Variants in SLC2A13 observed in about 807,000 individuals in gnomAD.
The protein encoded by SLC2A13 is proton myo-inositol cotransporter.
Under a neutral mutation model 64.4 loss-of-function variants are expected in SLC2A13, and 32 were observed. The ratio of observed to expected loss-of-function variants is 0.50; its 90% CI spans 0.37 to 0.67. SLC2A13 has a LOEUF of 0.67. Ranked by LOEUF, SLC2A13 falls within the 30% of genes least tolerant of loss-of-function variation. The probability of loss-of-function intolerance (pLI) is 0.00; values close to 1 mark genes in which losing one functional copy is unlikely to be tolerated. For missense variants in SLC2A13, 743 were observed against 829.2 expected (o/e 0.90, Z 1.28); for synonymous variants, 338 against 327.1 (o/e 1.03, Z -0.36).
intron 1 of SLC2A13, among the ~76,000 whole-genome samples, chr12:40,098,138 T>TAC (rs1292271786): frequency 6.6e-6 from 1 of 152,134 alleles, no homozygotes; most frequent in South Asian, 2.1e-4. Flanking sequence ...TGTGTATATA[T>TAC]ATACACACAC....
At chr12:40,031,280 T>C (rs1274363286) in intron 2 of SLC2A13, among the ~76,000 whole-genome samples, 1 of 152,142 alleles carries the variant, frequency 6.6e-6, no homozygotes, top group East Asian at 1.9e-4. Context: ...CGGAGTGTAG[T>C]GGCGCGATCT....
At chr12:39,847,288 T>C (rs1235475165) in intron 6 of SLC2A13, among the ~76,000 whole-genome samples, 2 of 86,144 alleles carry the variant, frequency 2.3e-5, no homozygotes, top group Admixed American at 1.6e-4. Context: ...TATCCCTACA[T>C]TCATTCTTCC....
At chr12:39,955,720 T>C (rs1285986549) in intron 3 of SLC2A13, among the ~76,000 whole-genome samples, 1 of 151,814 alleles carries the variant, frequency 6.6e-6, no homozygotes, top group Non-Finnish European at 1.5e-5. Flanking sequence ...CTAAATGCAA[T>C]CACATGTATC....
intron 1 of SLC2A13, among the ~76,000 whole-genome samples, chr12:40,081,203 T>C (rs1469834576): frequency 6.6e-6 from 1 of 152,190 alleles, no homozygotes; most frequent in Non-Finnish European, 1.5e-5. Flanking sequence ...TCTTGTAGTA[T>C]ATTGCTGAGG....
At chr12:39,970,159 A>C (rs1946617077) in intron 3 of SLC2A13, among the ~76,000 whole-genome samples, 1 of 152,164 alleles carries the variant, frequency 6.6e-6, no homozygotes, top group African/African-American at 2.4e-5. Context: ...GTTGATCTAT[A>C]TCTCTGTTTT....
chr12:39,985,465 G>A (rs1947014501), intron 3 of SLC2A13, among the ~76,000 whole-genome samples: 2 of 152,100 alleles, frequency 1.3e-5, no homozygotes, highest in South Asian at 4.1e-4. Context: ...TTTATTCACA[G>A]TGTGTCTCTA....
intron 6 of SLC2A13, among the ~76,000 whole-genome samples, chr12:39,845,377 T>C (rs1014700308): frequency 2.6e-5 from 4 of 152,116 alleles, no homozygotes; most frequent in African/African-American, 7.2e-5. Flanking sequence ...CTGTTTTACA[T>C]TTTTTGTCAA....
At chr12:40,019,174 G>C (rs1433204364) in intron 3 of SLC2A13, among the ~76,000 whole-genome samples, 1 of 152,138 alleles carries the variant, frequency 6.6e-6, no homozygotes, top group South Asian at 2.1e-4. Context: ...ACCGAGAAGA[G>C]AAGAGAGATT....
chr12:39,888,700 A>G (rs77772365), intron 4 of SLC2A13, among the ~76,000 whole-genome samples: 5,205 of 152,304 alleles, frequency 0.034, 115 homozygotes, highest in Non-Finnish European at 0.051. Context: ...TGATGTTTAC[A>G]ATGGCATAAC....
intron 7 of SLC2A13, among the ~76,000 whole-genome samples, chr12:39,786,321 C>T (rs1325079433): frequency 1.3e-5 from 2 of 151,732 alleles, no homozygotes; most frequent in Admixed American, 1.3e-4. Flanking sequence ...TCTTTGCTTC[C>T]TCCTCATTTT....
chr12:39,797,697 A>G (rs1477786427), intron 7 of SLC2A13, among the ~76,000 whole-genome samples: 1 of 151,600 alleles, frequency 6.6e-6, no homozygotes, highest in African/African-American at 2.4e-5. Context: ...TGAAAAGCTA[A>G]TGGATACATG....
intron 1 of SLC2A13, among the ~76,000 whole-genome samples, chr12:40,104,388 G>A (rs17483628): frequency 0.12 from 17,690 of 152,074 alleles, 1,394 homozygotes; most frequent in Middle Eastern, 0.18. Context: ...CAGCAACCAG[G>A]GTGAAAAAAA....
chr12:40,105,441 A>T lies in SLC2A13; in HGVS notation c.368T>A (p.Leu123Gln). ...LSLDALWQELLVSSTVGAAAV... is the reference protein window; with the variant it reads ...LSLDALWQELQVSSTVGAAAV... Reference sequence around the variant, plus strand: ...AGCCGCCCCCACCGTGCTGGACACCAGCAGCTCCTGCCACAGCGCGTCCAG... The same window carrying T: ...AGCCGCCCCCACCGTGCTGGACACCTGCAGCTCCTGCCACAGCGCGTCCAG... Residue 123 changes from leucine (L) to glutamine (Q), a missense_variant, in exon 1 of 10, where the codon CTG becomes CAG. Leu to Gln is a moderately radical substitution (Grantham distance 113). Around this residue, in one of 2 missense-constraint regions of SLC2A13, gnomAD observed 448 missense variants for 447.4 expected, o/e 1.00. Coordinates refer to ENST00000280871, the MANE Select transcript of SLC2A13 (RefSeq NM_052885.4). The surrounding 1 kb of genome is among the most constrained non-coding windows in gnomAD (Gnocchi z 4.2). The T allele has an allele frequency of 6.4e-7, 1 of 1,555,560 alleles. No individual in the cohort carries two copies. The highest frequency in any genetic ancestry group is 8.7e-7 in the Non-Finnish European group (1 of 1,150,466).
intron 7 of SLC2A13, among the ~76,000 whole-genome samples, chr12:39,771,232 G>A (rs1050752618): frequency 1.3e-5 from 2 of 152,120 alleles, no homozygotes; most frequent in African/African-American, 4.8e-5. Flanking sequence ...CATGCCTTGT[G>A]TAGTTCCTTT....
chr12:40,028,565 T>C (rs1277425224), intron 2 of SLC2A13, 56 bp from the exon 3 acceptor site: 1 of 1,549,278 alleles, frequency 6.5e-7, no homozygotes, highest in East Asian at 2.3e-5. Flanking sequence ...CATCATGTGC[T>C]CACCACATAC....
intron 1 of SLC2A13, among the ~76,000 whole-genome samples, chr12:40,078,635 T>C (rs930603730): frequency 6.6e-6 from 1 of 152,192 alleles, no homozygotes; most frequent in Non-Finnish European, 1.5e-5. Context: ...GGTATTAGAA[T>C]GATCTGGCCT....
intron 2 of SLC2A13, among the ~76,000 whole-genome samples, chr12:40,039,421 G>A (rs1477863227): frequency 6.6e-6 from 1 of 152,092 alleles, no homozygotes; most frequent in Non-Finnish European, 1.5e-5. Context: ...TGGGTTTTAG[G>A]TATACCATTT....
chr12:40,097,672 C>T (rs1429456133), intron 1 of SLC2A13, among the ~76,000 whole-genome samples: 2 of 152,124 alleles, frequency 1.3e-5, no homozygotes, highest in Non-Finnish European at 2.9e-5. Context: ...AAATCCAAAC[C>T]ACCATATCAC....
At chr12:39,783,765 G>GCCCT in intron 7 of SLC2A13, among the ~76,000 whole-genome samples, 1 of 152,236 alleles carries the variant, frequency 6.6e-6, no homozygotes, top group African/African-American at 2.4e-5. Context: ...CTGGATATTA[G>GCCCT]ATGGGTAGGA....
Sources: gnomAD v4.1 joint callset for allele counts (sites outside exome capture counted in the v4.1 genomes callset) on GRCh38, gnomAD v4.1.1 for gene constraint, gnomAD v4.1.1 regional missense constraint, Gnocchi (gnomAD v3.1) non-coding constraint, MANE v1.5 for transcripts, NCBI Gene and HGNC (gene_info 2026-07-23, HGNC 2026-07-21) for gene names.